The following PCDH15 variants were observed in gnomAD, a reference collection of about 807,000 sequenced individuals.
The protein encoded by PCDH15 is protocadherin related 15.
A neutral mutation model predicts 178.5 loss-of-function variants in PCDH15; 129 were observed. The ratio of observed to expected loss-of-function variants is 0.72; its 90% CI spans 0.63 to 0.84. PCDH15 has a LOEUF of 0.84. Among genes scored for constraint, PCDH15 ranks in the 40% least tolerant of loss-of-function variants. The pLI, the probability that PCDH15 is intolerant of heterozygous loss-of-function variation, is 0.00. For missense variants in PCDH15, 2,230 were observed against 2,099.9 expected (o/e 1.06, Z -1.21); for synonymous variants, 800 against 732.0 (o/e 1.09, Z -1.50).
intron 1 of PCDH15, among the ~76,000 whole-genome samples, chr10:55,194,768 G>A (rs75890614): frequency 1.8e-4 from 28 of 151,740 alleles, no homozygotes; most frequent in African/African-American, 5.8e-4. Context: ...TAAGCCGAAC[G>A]TGATGAGCGA....
At chr10:54,750,050 T>C (rs565669420) in intron 1 of PCDH15, among the ~76,000 whole-genome samples, 5 of 152,048 alleles carry the variant, frequency 3.3e-5, no homozygotes, top group Non-Finnish European at 7.4e-5. Context: ...ATTACTTCAT[T>C]GTCAAGTTTC....
At chr10:53,849,805 G>A (rs1340044194) in intron 28 of PCDH15, among the ~76,000 whole-genome samples, 1 of 141,176 alleles carries the variant, frequency 7.1e-6, no homozygotes. Context: ...AGCTTGCAGT[G>A]AGCCGAGATC....
At chr10:55,119,152 T>A (rs1166905048) in intron 2 of PCDH15, among the ~76,000 whole-genome samples, 1 of 152,060 alleles carries the variant, frequency 6.6e-6, no homozygotes, top group African/African-American at 2.4e-5. Flanking sequence ...AGGCTTCACT[T>A]AAAAACAAGA....
chr10:54,316,349 C>T (rs1001788357), intron 8 of PCDH15, among the ~76,000 whole-genome samples: 2 of 152,074 alleles, frequency 1.3e-5, no homozygotes, highest in Non-Finnish European at 2.9e-5. Flanking sequence ...ATAGAGGACC[C>T]TCAGAACTTC....
intron 1 of PCDH15, among the ~76,000 whole-genome samples, chr10:55,279,799 A>G (rs191860975): frequency 1.3e-4 from 20 of 152,336 alleles, no homozygotes; most frequent in Admixed American, 1.1e-3. Flanking sequence ...GAGTGATCAT[A>G]TTGAGGTCCT....
At chr10:55,307,175 T>A (rs1365575865) in intron 1 of PCDH15, among the ~76,000 whole-genome samples, 2 of 152,052 alleles carry the variant, frequency 1.3e-5, no homozygotes, top group Non-Finnish European at 2.9e-5. Flanking sequence ...ATAAGGTATA[T>A]TTTACATTTC....
chr10:54,885,122 A>C (rs1264641528), intron 3 of PCDH15, among the ~76,000 whole-genome samples: 2 of 152,112 alleles, frequency 1.3e-5, no homozygotes, highest in African/African-American at 4.8e-5. Flanking sequence ...AAATGAATGA[A>C]TGATCTTGAA....
chr10:54,118,634 T>G (rs2132822295), intron 15 of PCDH15, among the ~76,000 whole-genome samples: 1 of 152,158 alleles, frequency 6.6e-6, no homozygotes, highest in African/African-American at 2.4e-5. Context: ...CACTCTAGCC[T>G]GGGCAACAGA....
At chr10:55,078,193 A>C (rs1180592208) in intron 2 of PCDH15, among the ~76,000 whole-genome samples, 2 of 152,072 alleles carry the variant, frequency 1.3e-5, no homozygotes, top group Non-Finnish European at 2.9e-5. Flanking sequence ...TATTAGTCTT[A>C]TGGGAGTGTT....
At chr10:55,263,123 T>TA (rs768831037) in intron 1 of PCDH15, among the ~76,000 whole-genome samples, 61 of 152,264 alleles carry the variant, frequency 4.0e-4, no homozygotes, top group Non-Finnish European at 6.3e-4. Flanking sequence ...AATGTGAAAC[T>TA]ATAGAATCAG....
At chr10:54,488,909 T>C (rs1462889995) in intron 3 of PCDH15, among the ~76,000 whole-genome samples, 1 of 152,052 alleles carries the variant, frequency 6.6e-6, no homozygotes, top group Non-Finnish European at 1.5e-5. Context: ...ACTGAAAGCA[T>C]AAAGAAGCTT....
chr10:55,076,053 T>C (rs1018796596), intron 2 of PCDH15, among the ~76,000 whole-genome samples: 1 of 152,192 alleles, frequency 6.6e-6, no homozygotes, highest in African/African-American at 2.4e-5. Context: ...TTCCAAGGTT[T>C]TTCTTGGAAT....
intron 2 of PCDH15, among the ~76,000 whole-genome samples, chr10:54,970,105 A>T (rs772652211): frequency 7.9e-5 from 12 of 152,152 alleles, no homozygotes; most frequent in Non-Finnish European, 1.6e-4. Context: ...ACCTGAAGAG[A>T]ATTAGCTAGG....
At position 53,932,186 on chromosome 10, in the gene PCDH15, G is replaced by T. The variant is rs551329697; in HGVS notation, c.3373+6629C>A. Among the ~76,000 whole-genome samples, 25 of 152,262 alleles carry T rather than the reference G, an allele frequency of 1.6e-4. No individual in the cohort carries two copies. The South Asian group carries it at 4.2e-3, about 25-fold the overall frequency. On this transcript the variant is annotated intron_variant, in intron 25 of 37. Coordinates refer to ENST00000644397, the MANE Select transcript of PCDH15 (RefSeq NM_001384140.1). Reference sequence around the variant, plus strand: ...TTAATTCCAGTTTGTCATTTTATAGGAATTCTGCGGTCTATGTCCAGTTTT... The same window carrying T: ...TTAATTCCAGTTTGTCATTTTATAGTAATTCTGCGGTCTATGTCCAGTTTT...
At chr10:54,683,203 T>G (rs1257604438) in intron 1 of PCDH15, among the ~76,000 whole-genome samples, 1 of 152,234 alleles carries the variant, frequency 6.6e-6, no homozygotes, top group African/African-American at 2.4e-5. Context: ...TAACATATAA[T>G]GTACCATTTT....
chr10:55,624,559 T>G (rs1837483411), intron 2 of PCDH15, among the ~76,000 whole-genome samples: 1 of 152,112 alleles, frequency 6.6e-6, no homozygotes, highest in Non-Finnish European at 1.5e-5. Context: ...TGCTGCACTG[T>G]TATTGGGCAA....
Position 54,575,377 on chromosome 10 carries a change from T to A in PCDH15, c.92-47500A>T, listed in dbSNP as rs1294720134. 4 of 153,336 alleles carry A rather than the reference T, an allele frequency of 2.6e-5. No homozygotes were observed. The East Asian group carries it at 7.7e-4, about 30-fold the overall frequency. 9.5% of individuals were successfully genotyped at this position (153,336 alleles called of 1,614,324 possible). ...ATTTAATAAACCAGATAAAATCTCA[T>A]TATAACTAATTCCTAATATTAGCCA... On this transcript the variant is annotated intron_variant, in intron 2 of 37. Coordinates refer to ENST00000644397, the MANE Select transcript of PCDH15 (RefSeq NM_001384140.1).
At chr10:53,963,930 CA>C (rs556913421) in intron 21 of PCDH15, among the ~76,000 whole-genome samples, 4 of 152,052 alleles carry the variant, frequency 2.6e-5, no homozygotes, top group Middle Eastern at 3.4e-3. Context: ...GCATCACACA[CA>C]AAAAAAATAA....
Position 54,421,236 on chromosome 10 carries a change from A to C in PCDH15, c.158-42294T>G, listed in dbSNP as rs60902811. On this transcript the variant is annotated intron_variant, in intron 3 of 37. Coordinates refer to ENST00000644397, the MANE Select transcript of PCDH15 (RefSeq NM_001384140.1). The stretch of plus-strand genomic sequence containing the variant: ...AAACACGAGATCACTATGACAAAAA[A>C]AGCTAAAATGTCATGAAATGACTTA... 2.0e-3 allele frequency among the ~76,000 whole-genome samples: 284 copies of C among 141,392 alleles called. 5 individuals carry two copies. In the East Asian group the frequency reaches 0.044, roughly 22 times the overall value. 92.8% of individuals were successfully genotyped at this position (141,392 alleles called of 152,430 possible). A position where few individuals can be genotyped will look rare whatever the true frequency, so the allele number is the denominator to read the frequency against.
Sources: gnomAD v4.1 joint callset for allele counts (sites outside exome capture counted in the v4.1 genomes callset) on GRCh38, gnomAD v4.1.1 for gene constraint, MANE v1.5 for transcripts, NCBI Gene and HGNC (gene_info 2026-07-23, HGNC 2026-07-21) for gene names.